APP: variants seen among roughly 807,000 people sequenced by gnomAD.
APP encodes amyloid-beta precursor protein.
A neutral mutation model predicts 101.4 loss-of-function variants in APP; 31 were observed. That is an observed-to-expected ratio of 0.31 (90% CI 0.23 to 0.41). The LOEUF (loss-of-function observed/expected upper bound fraction) is 0.41, where lower values mean the gene tolerates loss of function less well. Among genes scored for constraint, APP ranks in the 10% least tolerant of loss-of-function variants. APP has a pLI of 1.00. For missense variants in APP, 839 were observed against 1,003.7 expected (o/e 0.84, Z 2.22); for synonymous variants, 366 against 364.4 (o/e 1.00, Z -0.05).
At chr21:26,094,286 C>G (rs2146129218) in intron 2 of APP, among the ~76,000 whole-genome samples, 1 of 152,170 alleles carries the variant, frequency 6.6e-6, no homozygotes, top group East Asian at 1.9e-4. Context: ...GTTCCAACAT[C>G]AGGAGGTTTA....
intron 3 of APP, among the ~76,000 whole-genome samples, chr21:26,064,056 C>T (rs2046368314): frequency 6.6e-6 from 1 of 152,084 alleles, no homozygotes; most frequent in African/African-American, 2.4e-5. Context: ...GAGGGGAATC[C>T]TACAAATTAT....
chr21:26,145,436 A>C (rs1271111393), intron 1 of APP, among the ~76,000 whole-genome samples: 2 of 152,170 alleles, frequency 1.3e-5, no homozygotes, highest in Non-Finnish European at 2.9e-5. Flanking sequence ...TTTAGTTCAC[A>C]ATAGGTTTTG....
At chr21:26,135,803 G>T (rs1014345941) in intron 1 of APP, among the ~76,000 whole-genome samples, 5 of 152,044 alleles carry the variant, frequency 3.3e-5, no homozygotes, top group Non-Finnish European at 7.4e-5. Context: ...AAGCCCCAGA[G>T]AGCCCTTGGT....
Position 26,123,477 on chromosome 21 carries a change from GT to G in APP, c.58-11332del, listed in dbSNP as rs2062617696. 2.0e-5 allele frequency among the ~76,000 whole-genome samples: 3 copies of G among 152,150 alleles called. No individual in the cohort carries two copies. In the South Asian group the frequency reaches 6.2e-4, roughly 32 times the overall value. On this transcript the variant is annotated intron_variant, in intron 1 of 17. Coordinates refer to ENST00000346798, the MANE Select transcript of APP (RefSeq NM_000484.4). ...CTTGGAACACTAAAGAATACTCCAGGTTTAAATTCCAGGTTATTTGCTTGAT... is the reference window on the plus strand; with the variant it reads ...CTTGGAACACTAAAGAATACTCCAGGTTAAATTCCAGGTTATTTGCTTGAT...
intron 1 of APP, among the ~76,000 whole-genome samples, chr21:26,156,006 A>G (rs1394140750): frequency 2.6e-5 from 4 of 151,772 alleles, no homozygotes; most frequent in Non-Finnish European, 5.9e-5. Flanking sequence ...GTCTCAAAAA[A>G]AAAAAAAAAA....
intron 5 of APP, among the ~76,000 whole-genome samples, chr21:26,041,214 C>G (rs959224285): frequency 6.6e-6 from 1 of 152,164 alleles, no homozygotes; most frequent in Non-Finnish European, 1.5e-5. Context: ...GCTTGATATG[C>G]TAATATGTAG....
intron 13 of APP, among the ~76,000 whole-genome samples, chr21:25,939,012 G>A (rs540631647): frequency 2.3e-4 from 35 of 152,204 alleles, no homozygotes; most frequent in Non-Finnish European, 4.3e-4. Flanking sequence ...TCTGATTTTT[G>A]CACCCCAGGT....
chr21:26,089,491 T>TGTAGAACA (rs1325419390), intron 3 of APP: 1 of 151,172 alleles, frequency 6.6e-6, no homozygotes, highest in African/African-American at 2.4e-5. Context: ...GAGTAGTTAT[T>TGTAGAACA]GTAGAACAGC....
rs189815433 is a variant in APP, at chr21:25,936,325, A to C, written c.1687+18265T>G. Among the ~76,000 whole-genome samples the C allele has an allele frequency of 1.1e-4, 16 of 152,356 alleles. No homozygotes were observed. In the East Asian group the frequency reaches 1.9e-3, roughly 18 times the overall value. On this transcript the variant is annotated intron_variant, in intron 13 of 17. Transcript: ENST00000346798. ...TCCCAGAACTTTGGGAGGGCAAGGC[A>C]GGTGGATCACCTGAGGTCGAGAGTT...
chr21:25,886,778 C>A (rs536394582), intron 17 of APP, among the ~76,000 whole-genome samples: 2 of 152,124 alleles, frequency 1.3e-5, no homozygotes, highest in South Asian at 2.1e-4. Flanking sequence ...TTCTGCACCC[C>A]CCCTCACTTT....
intron 3 of APP, among the ~76,000 whole-genome samples, chr21:26,081,321 G>A (rs2061593954): frequency 6.6e-6 from 1 of 151,740 alleles, no homozygotes; most frequent in Non-Finnish European, 1.5e-5. Flanking sequence ...AGTCAGGAAA[G>A]GGAGATGGGG....
At chr21:26,068,939 G>A (rs2046567246) in intron 3 of APP, among the ~76,000 whole-genome samples, 1 of 152,150 alleles carries the variant, frequency 6.6e-6, no homozygotes, top group South Asian at 2.1e-4. Context: ...TTTAGCAAAT[G>A]TACTAGAATC....
At chr21:26,161,049 G>C (rs1396851382) in intron 1 of APP, among the ~76,000 whole-genome samples, 2 of 152,142 alleles carry the variant, frequency 1.3e-5, no homozygotes, top group Non-Finnish European at 2.9e-5. Flanking sequence ...ACAGCTGTTC[G>C]AATCTTCAAT....
At chr21:26,061,296 T>C (rs1368239935) in intron 3 of APP, among the ~76,000 whole-genome samples, 1 of 151,930 alleles carries the variant, frequency 6.6e-6, no homozygotes, top group Non-Finnish European at 1.5e-5. Context: ...TGTAGACAGG[T>C]AGAACTTTTG....
Position 26,102,889 on chromosome 21 carries a change from C to CA in APP, c.225+9089dup, listed in dbSNP as rs3084283. Among the ~76,000 whole-genome samples the CA allele has an allele frequency of 5.5e-3, 349 of 63,074 alleles. 11 individuals are homozygous for CA. The highest frequency in any genetic ancestry group is 0.013 in the Middle Eastern group (1 of 80). The allele number at this position is 63,074 out of a possible 152,430, so 41.4% of individuals were successfully genotyped here. ...TGGTTGATGGAGTGGGACTCTGTCT[C>CA]AAAAAAAAAAAAAAAAAAAAAAAAA... On this transcript the variant is annotated intron_variant, in intron 2 of 17. Transcript: ENST00000346798.
At chr21:26,060,318 C>A (rs8128764) in intron 3 of APP, among the ~76,000 whole-genome samples, 2 of 152,218 alleles carry the variant, frequency 1.3e-5, no homozygotes, top group African/African-American at 4.8e-5. Context: ...ATCAACACAG[C>A]GGGGTGGAGT....
chr21:26,007,910 ATTT>A (rs1335138963), intron 6 of APP, among the ~76,000 whole-genome samples: 2 of 152,342 alleles, frequency 1.3e-5, no homozygotes, highest in South Asian at 4.1e-4. Context: ...TAGTAATCAT[ATTT>A]TACTAAATAG....
At chr21:25,983,345 G>T (rs748908550) in intron 8 of APP, among the ~76,000 whole-genome samples, 1 of 152,038 alleles carries the variant, frequency 6.6e-6, no homozygotes, top group African/African-American at 2.4e-5. Flanking sequence ...AAAATGAGAC[G>T]TTTTCACTAT....
At chr21:25,964,606 C>CTTTTTTTTTTT (rs150904952) in intron 11 of APP, among the ~76,000 whole-genome samples, 3 of 122,568 alleles carry the variant, frequency 2.4e-5, no homozygotes, top group East Asian at 2.4e-4. Flanking sequence ...TTTTTCTTTT[C>CTTTTTTTTTTT]TTTTTTTTTT....
Sources: allele counts gnomAD v4.1 joint callset (sites outside exome capture counted in the v4.1 genomes callset), GRCh38; gene constraint gnomAD v4.1.1; transcripts MANE v1.5; gene names NCBI Gene and HGNC (gene_info 2026-07-23, HGNC 2026-07-21).